VPS13B: variants seen among roughly 807,000 people sequenced by gnomAD.
VPS13B encodes vacuolar protein sorting 13 homolog B.
In VPS13B, 285 loss-of-function variants were observed where a neutral mutation model predicts 426.4. That is an observed-to-expected ratio of 0.67 (90% CI 0.61 to 0.74). The LOEUF (loss-of-function observed/expected upper bound fraction) is 0.74. VPS13B is among the 30% of genes least tolerant of loss of function. The pLI is 0.00. For missense variants in VPS13B, 4,537 were observed against 4,782.6 expected, an observed-to-expected ratio of 0.95 and a Z score of 1.51; for synonymous variants, 1,676 against 1,676.4, an observed-to-expected ratio of 1.00 and a Z score of 0.01.
intron 19 of VPS13B, among the ~76,000 whole-genome samples, chr8:99,287,906 C>T (rs1032369382): frequency 4.0e-5 from 6 of 151,870 alleles, no homozygotes; most frequent in Non-Finnish European, 8.8e-5. Flanking sequence ...ATCAATTTAG[C>T]GAAGTTTATG....
chr8:99,258,175 A>G (rs1335937406), intron 17 of VPS13B, among the ~76,000 whole-genome samples: 1 of 151,792 alleles, frequency 6.6e-6, no homozygotes, highest in Non-Finnish European at 1.5e-5. Flanking sequence ...ATTTTAGAGA[A>G]AAAAGCACTC....
At chr8:99,214,518 A>AT (rs1815281995) in intron 17 of VPS13B, among the ~76,000 whole-genome samples, 1 of 152,098 alleles carries the variant, frequency 6.6e-6, no homozygotes, top group South Asian at 2.1e-4. Context: ...TTTAAACTTT[A>AT]TTGCTAATTT....
intron 2 of VPS13B, among the ~76,000 whole-genome samples, chr8:99,021,812 G>A (rs560239352): frequency 6.6e-6 from 1 of 152,084 alleles, no homozygotes; most frequent in African/African-American, 2.4e-5. Context: ...GAGGTCTCAC[G>A]ATGTTTCCCA....
intron 19 of VPS13B, among the ~76,000 whole-genome samples, chr8:99,349,115 C>T (rs946424141): frequency 6.6e-6 from 1 of 150,976 alleles, no homozygotes; most frequent in Non-Finnish European, 1.5e-5. Flanking sequence ...GGGCGGATCA[C>T]GAGGTCAGGA....
intron 33 of VPS13B, among the ~76,000 whole-genome samples, chr8:99,606,515 GAAAAAA>G (rs1192567742): frequency 1.3e-4 from 18 of 134,844 alleles, no homozygotes; most frequent in Non-Finnish European, 1.9e-4. Context: ...AAAAAAAAAA[GAAAAAA>G]GAAAAAGAAA....
intron 33 of VPS13B, among the ~76,000 whole-genome samples, chr8:99,584,334 T>C (rs1268923639): frequency 6.6e-6 from 1 of 152,192 alleles, no homozygotes; most frequent in Non-Finnish European, 1.5e-5. Context: ...TCAAAGTAGA[T>C]GTAAGACATC....
intron 16 of VPS13B, among the ~76,000 whole-genome samples, chr8:99,173,885 C>T (rs1420346156): frequency 6.6e-6 from 1 of 152,122 alleles, no homozygotes; most frequent in Non-Finnish European, 1.5e-5. Context: ...ATTCAAGGCT[C>T]GATCAACTGT....
chr8:99,697,793 CA>C, intron 35 of VPS13B: 1 of 618,474 alleles, frequency 1.6e-6, no homozygotes, highest in Non-Finnish European at 3.1e-6. Context: ...CACCATGAAG[CA>C]AGTCAGGCAC....
At chr8:99,468,137 C>T (rs1036767586) in intron 24 of VPS13B, among the ~76,000 whole-genome samples, 3 of 152,128 alleles carry the variant, frequency 2.0e-5, no homozygotes, top group African/African-American at 7.2e-5. Flanking sequence ...TCTCCTAATG[C>T]TATCCCCCGA....
intron 23 of VPS13B, among the ~76,000 whole-genome samples, chr8:99,459,972 C>G (rs1375128494): frequency 6.6e-6 from 1 of 152,058 alleles, no homozygotes; most frequent in African/African-American, 2.4e-5. Context: ...CAGCTTTTTA[C>G]GTTAAACTTA....
chr8:99,658,888 T>TC (rs1044164637), intron 34 of VPS13B, among the ~76,000 whole-genome samples: 4 of 152,270 alleles, frequency 2.6e-5, no homozygotes, highest in South Asian at 2.1e-4. Context: ...CAATCACGGC[T>TC]CACTGCAGCC....
At chr8:99,102,116 T>A (rs1009864288) in intron 4 of VPS13B, among the ~76,000 whole-genome samples, 2 of 152,138 alleles carry the variant, frequency 1.3e-5, no homozygotes, top group African/African-American at 4.8e-5. Context: ...TATTCCTCAG[T>A]AGCATGAAAT....
intron 14 of VPS13B, among the ~76,000 whole-genome samples, chr8:99,155,137 G>T (rs78457441): frequency 1.3e-5 from 2 of 151,530 alleles, no homozygotes; most frequent in Non-Finnish European, 2.9e-5. Context: ...TGAAGGAAAA[G>T]GATGGAAAAA....
At chr8:99,787,446 A>G (rs1015508336) in intron 43 of VPS13B, among the ~76,000 whole-genome samples, 2 of 152,240 alleles carry the variant, frequency 1.3e-5, no homozygotes, top group African/African-American at 4.8e-5. Context: ...CAAAGGAAGA[A>G]GAAAACTATT....
At chr8:99,511,635 T>G in intron 29 of VPS13B, 123 bp downstream of exon 29, 1 of 966,712 alleles carries the variant, frequency 1.0e-6, no homozygotes. Flanking sequence ...TGGTTTGGTA[T>G]ATTTTATAGA....
At chr8:99,647,919 C>A (rs1829658668) in intron 34 of VPS13B, among the ~76,000 whole-genome samples, 1 of 152,066 alleles carries the variant, frequency 6.6e-6, no homozygotes, top group African/African-American at 2.4e-5. Flanking sequence ...CATATTCAGG[C>A]AACTATAATG....
chr8:99,707,495 T>C (rs567651824), intron 36 of VPS13B, among the ~76,000 whole-genome samples: 1 of 152,328 alleles, frequency 6.6e-6, no homozygotes, highest in African/African-American at 2.4e-5. Context: ...CATCCTTTTT[T>C]ATCAATAACC....
At chr8:99,647,887 A>T (rs921853497) in intron 34 of VPS13B, among the ~76,000 whole-genome samples, 2 of 152,196 alleles carry the variant, frequency 1.3e-5, no homozygotes, top group African/African-American at 4.8e-5. Context: ...ACATTAAATT[A>T]TGAAGATTTG....
At chr8:99,119,275 C>G (rs1847824484) in intron 7 of VPS13B, 2 of 152,136 alleles carry the variant, frequency 1.3e-5, no homozygotes, top group Admixed American at 6.5e-5. Context: ...TAGTCTCACT[C>G]TGTTGCCTAG....
Sources: allele counts gnomAD v4.1 joint callset (sites outside exome capture counted in the v4.1 genomes callset), GRCh38; gene constraint gnomAD v4.1.1; transcripts MANE v1.5; gene names NCBI Gene and HGNC (gene_info 2026-07-23, HGNC 2026-07-21).